The following SPATA16 variants were observed in gnomAD, a reference collection of about 807,000 sequenced individuals.
The protein encoded by SPATA16 is spermatogenesis-associated protein 16.
In SPATA16, 36 loss-of-function variants were observed where a neutral mutation model predicts 63.3. That is an observed-to-expected ratio of 0.57 (90% CI 0.44 to 0.75). SPATA16 has a LOEUF of 0.75. SPATA16 is among the 30% of genes least tolerant of loss of function. SPATA16 has a pLI of 0.00. For synonymous variants in SPATA16, 203 were observed against 216.7 expected (o/e 0.94, Z 0.56); for missense variants, 646 against 679.3 (o/e 0.95, Z 0.54).
At chr3:173,068,837 G>A (rs1176520414) in intron 2 of SPATA16, among the ~76,000 whole-genome samples, 4 of 151,126 alleles carry the variant, frequency 2.6e-5, no homozygotes, top group Non-Finnish European at 4.4e-5. Flanking sequence ...AAGGCCGGGC[G>A]TGGTGGCTCA....
intron 3 of SPATA16, among the ~76,000 whole-genome samples, chr3:173,032,511 G>C (rs1240147631): frequency 6.6e-6 from 1 of 151,962 alleles, no homozygotes; most frequent in Non-Finnish European, 1.5e-5. Flanking sequence ...TACAGTGGGG[G>C]ATTCAAATAA....
At chr3:173,002,498 G>A (rs1465384555) in intron 4 of SPATA16, among the ~76,000 whole-genome samples, 1 of 152,164 alleles carries the variant, frequency 6.6e-6, no homozygotes, top group Non-Finnish European at 1.5e-5. Flanking sequence ...TCTTAGTGCA[G>A]CAACAGAAAA....
At chr3:173,049,231 G>A in intron 2 of SPATA16, 137 bp from the exon 3 acceptor site, 1 of 832,406 alleles carries the variant, frequency 1.2e-6, no homozygotes, top group South Asian at 2.0e-5. Context: ...TATGTTAAAA[G>A]TATATATGAT....
At chr3:172,961,069 T>TCTTCCTTCCTTTCTTCCTTCCTTCCTTC (rs1733765755) in intron 5 of SPATA16, among the ~76,000 whole-genome samples, 1 of 72,346 alleles carries the variant, frequency 1.4e-5, no homozygotes, top group African/African-American at 6.3e-5. Flanking sequence ...CTTTCTTCTT[T>TCTTCCTTCCTTTCTTCCTTCCTTCCTTC]CTTCCTTCCT....
chr3:172,958,069 T>C (rs1733642471), intron 5 of SPATA16, among the ~76,000 whole-genome samples: 1 of 152,244 alleles, frequency 6.6e-6, no homozygotes, highest in Non-Finnish European at 1.5e-5. Context: ...AATTGAATGC[T>C]AGAACTTGCA....
chr3:172,922,645 G>A (rs1732637495), intron 8 of SPATA16, among the ~76,000 whole-genome samples: 1 of 152,216 alleles, frequency 6.6e-6, no homozygotes, highest in Admixed American at 6.5e-5. Context: ...GCCTGGCCAG[G>A]CATGGTAGCT....
chr3:173,126,358 AG>A (rs1738227672), intron 1 of SPATA16, among the ~76,000 whole-genome samples: 2 of 152,334 alleles, frequency 1.3e-5, no homozygotes, highest in Non-Finnish European at 2.9e-5. Flanking sequence ...AAGTAGAGGA[AG>A]TAATGTTTCA....
chr3:172,999,354 C>T (rs1336210627), intron 4 of SPATA16, among the ~76,000 whole-genome samples: 1 of 152,106 alleles, frequency 6.6e-6, no homozygotes, highest in African/African-American at 2.4e-5. Context: ...CTTTATTATA[C>T]TTTCAATGTC....
intron 3 of SPATA16, among the ~76,000 whole-genome samples, chr3:173,023,399 T>C (rs1198394046): frequency 1.3e-5 from 2 of 152,092 alleles, no homozygotes; most frequent in Non-Finnish European, 2.9e-5. Context: ...GAAAATGCTC[T>C]AATTATCTTT....
At chr3:172,903,690 A>C (rs1252205380) in intron 10 of SPATA16, among the ~76,000 whole-genome samples, 1 of 152,214 alleles carries the variant, frequency 6.6e-6, no homozygotes, top group Non-Finnish European at 1.5e-5. Flanking sequence ...TTGCAGAAAG[A>C]GGGAAAATAG....
intron 6 of SPATA16, among the ~76,000 whole-genome samples, chr3:172,930,963 C>T (rs960056867): frequency 9.2e-5 from 14 of 152,014 alleles, no homozygotes; most frequent in South Asian, 2.1e-4. Context: ...GCTGGGATTA[C>T]AGGCGCCTGC....
chr3:173,075,008 A>AAAAAAG (rs1560114977), intron 2 of SPATA16, among the ~76,000 whole-genome samples: 5 of 146,190 alleles, frequency 3.4e-5, no homozygotes, highest in Non-Finnish European at 6.0e-5. Context: ...AAAAAAAAAA[A>AAAAAAG]AAAAGGAAAG....
At chr3:173,015,010 C>T (rs1024407017) in intron 4 of SPATA16, among the ~76,000 whole-genome samples, 2 of 151,514 alleles carry the variant, frequency 1.3e-5, no homozygotes, top group African/African-American at 4.8e-5. Flanking sequence ...TTTTGTATCC[C>T]TTATCTAGCC....
intron 5 of SPATA16, among the ~76,000 whole-genome samples, chr3:172,974,939 C>T (rs1237055425): frequency 6.6e-6 from 1 of 152,058 alleles, no homozygotes; most frequent in Non-Finnish European, 1.5e-5. Flanking sequence ...TGCCAGGTTA[C>T]ATCCAATCAA....
intron 5 of SPATA16, among the ~76,000 whole-genome samples, chr3:172,960,983 C>G: frequency 7.8e-6 from 1 of 127,878 alleles, no homozygotes; most frequent in Non-Finnish European, 1.6e-5. Flanking sequence ...TTTTCTCTTT[C>G]TCTTTCTTTT....
intron 1 of SPATA16, among the ~76,000 whole-genome samples, chr3:173,131,519 C>A (rs1320649944): frequency 6.6e-6 from 1 of 152,102 alleles, no homozygotes. Context: ...ATGTTGAAAC[C>A]TGTAAGCTTT....
At chr3:173,012,292 G>A (rs1454784317) in intron 4 of SPATA16, among the ~76,000 whole-genome samples, 1 of 152,106 alleles carries the variant, frequency 6.6e-6, no homozygotes, top group Non-Finnish European at 1.5e-5. Context: ...ACAAATAAAT[G>A]GAAAAACATG....
At chr3:173,117,785 A>G (rs978654488) in intron 1 of SPATA16, 36 bp from the exon 2 acceptor site, 1 of 1,613,392 alleles carries the variant, frequency 6.2e-7, no homozygotes, top group Non-Finnish European at 8.5e-7. Context: ...AATTAAGGCA[A>G]TATTTTGAAT....
intron 3 of SPATA16, among the ~76,000 whole-genome samples, chr3:173,023,839 A>G (rs868406372): frequency 6.6e-5 from 10 of 151,702 alleles, no homozygotes; most frequent in East Asian, 3.9e-4. Flanking sequence ...CTATATTCAC[A>G]TATCTATGTA....
Sources: gnomAD v4.1 joint callset for allele counts (sites outside exome capture counted in the v4.1 genomes callset) on GRCh38, gnomAD v4.1.1 for gene constraint, MANE v1.5 for transcripts, NCBI Gene and HGNC (gene_info 2026-07-23, HGNC 2026-07-21) for gene names.